IQSEC1: variants seen among roughly 807,000 people sequenced by gnomAD.
The protein encoded by IQSEC1 is IQ motif and SEC7 domain-containing protein 1.
IQSEC1 carries 31 observed loss-of-function variants against 91.0 expected under a neutral mutation model. The observed-to-expected ratio is 0.34, with a 90% CI of 0.26 to 0.46. The LOEUF is 0.46. Among genes scored for constraint, IQSEC1 ranks in the 20% least tolerant of loss-of-function variants. The pLI, the probability that IQSEC1 is intolerant of heterozygous loss-of-function variation, is 1.00. For synonymous variants in IQSEC1, 699 were observed against 662.6 expected, an observed-to-expected ratio of 1.05 and a Z score of -0.84; for missense variants, 1,388 against 1,575.6, an observed-to-expected ratio of 0.88 and a Z score of 2.02.
chr3:13,096,621 C>T (rs1049450493), intron 2 of IQSEC1, among the ~76,000 whole-genome samples: 11 of 152,152 alleles, frequency 7.2e-5, no homozygotes, highest in African/African-American at 2.2e-4. Context: ...AAACACACCC[C>T]AGAGAGGAAG....
intron 1 of IQSEC1, chr3:13,022,630 C>T (rs975595166): frequency 2.8e-5 from 5 of 179,228 alleles, no homozygotes; most frequent in Non-Finnish European, 4.3e-5. Context: ...CCCACATCCT[C>T]CCCATTTCCC....
intron 1 of IQSEC1, among the ~76,000 whole-genome samples, chr3:13,020,760 C>T (rs1051765783): frequency 3.9e-5 from 6 of 152,200 alleles, no homozygotes; most frequent in Non-Finnish European, 7.3e-5. Context: ...TACCCTTGAA[C>T]TGGGCTCAAG....
chr3:13,072,074 A>C (rs922547518), intron 1 of IQSEC1, among the ~76,000 whole-genome samples: 2 of 152,242 alleles, frequency 1.3e-5, no homozygotes, highest in African/African-American at 4.8e-5. Context: ...ATACTGCTCC[A>C]GGCCTCCTTT....
At chr3:13,060,294 G>A (rs1705020821) in intron 1 of IQSEC1, among the ~76,000 whole-genome samples, 1 of 152,224 alleles carries the variant, frequency 6.6e-6, no homozygotes. Context: ...CAAAGAGGAG[G>A]CAGATGTGGC....
At chr3:13,071,256 T>C (rs957645811) in intron 1 of IQSEC1, among the ~76,000 whole-genome samples, 3 of 151,020 alleles carry the variant, frequency 2.0e-5, no homozygotes, top group African/African-American at 4.9e-5. Flanking sequence ...AGGGTTCCAG[T>C]AGAACTGTGC....
intron 2 of IQSEC1, among the ~76,000 whole-genome samples, chr3:13,140,133 G>A (rs141731045): frequency 1.4e-3 from 215 of 152,090 alleles, no homozygotes; most frequent in African/African-American, 4.7e-3. Context: ...CTTCCAACCC[G>A]CTCAGACACT....
chr3:13,018,703 T>C (rs1457632908), intron 1 of IQSEC1, among the ~76,000 whole-genome samples: 3 of 152,126 alleles, frequency 2.0e-5, no homozygotes, highest in African/African-American at 7.2e-5. Flanking sequence ...CCAGAACTAC[T>C]GTATCCCCAC....
At chr3:13,021,745 C>G (rs1316659994) in intron 1 of IQSEC1, among the ~76,000 whole-genome samples, 1 of 152,258 alleles carries the variant, frequency 6.6e-6, no homozygotes, top group Non-Finnish European at 1.5e-5. Context: ...CAGGGTCACA[C>G]AGCTGTGCCC....
chr3:13,194,134 C>T (rs1404202506), intron 1 of IQSEC1, among the ~76,000 whole-genome samples: 3 of 152,188 alleles, frequency 2.0e-5, no homozygotes, highest in Non-Finnish European at 4.4e-5. Context: ...CTCATTTCCC[C>T]TTAATCACCT....
intron 2 of IQSEC1, among the ~76,000 whole-genome samples, chr3:12,939,118 C>T (rs916286133): frequency 4.6e-5 from 7 of 152,220 alleles, no homozygotes; most frequent in African/African-American, 1.2e-4. Context: ...TCTGCTCTCC[C>T]GAGGGGTTTC....
intron 2 of IQSEC1, among the ~76,000 whole-genome samples, chr3:13,151,520 A>G (rs1404813365): frequency 6.6e-5 from 10 of 152,324 alleles, no homozygotes; most frequent in African/African-American, 2.4e-5. Flanking sequence ...AACAGTAGCA[A>G]AGTTCAGAAT....
At chr3:13,154,557 G>A (rs1707057699) in intron 2 of IQSEC1, among the ~76,000 whole-genome samples, 1 of 145,810 alleles carries the variant, frequency 6.9e-6, no homozygotes, top group South Asian at 2.2e-4. Context: ...TCAATACCCT[G>A]TTCTCCATAA....
At chr3:13,206,326 C>T (rs546120514) in intron 1 of IQSEC1, among the ~76,000 whole-genome samples, 37 of 152,226 alleles carry the variant, frequency 2.4e-4, no homozygotes, top group Non-Finnish European at 2.9e-4. Flanking sequence ...GGGTGGGGGG[C>T]GCTGTACAGA....
At position 13,184,680 on chromosome 3, in the gene IQSEC1, A is replaced by G. The variant is rs191426189; in HGVS notation, c.273-20547T>C. ...ACTGTCTCCATGCACAAGCGACAGG[A>G]TTCTCTCAGTAAACATCCCTAAGGA... On this transcript the variant is annotated intron_variant, in intron 1 of 15. Coordinates refer to the IQSEC1 transcript ENST00000648114. Among the ~76,000 whole-genome samples the G allele has an allele frequency of 3.2e-4, 48 of 152,350 alleles. 1 individual carries two copies. The East Asian group carries it at 9.1e-3, about 29-fold the overall frequency.
chr3:13,025,872 C>G (rs144681837), intron 1 of IQSEC1, among the ~76,000 whole-genome samples: 5 of 152,342 alleles, frequency 3.3e-5, no homozygotes, highest in South Asian at 2.1e-4. Context: ...GCCATCTTCT[C>G]TCTGCATTGA....
At position 12,899,614 on chromosome 3, in the gene IQSEC1, G is replaced by A. The variant is rs1013681228; in HGVS notation, c.*1369C>T. On this transcript the variant is annotated 3_prime_UTR_variant, in exon 14 of 14. Transcript: ENST00000613206. ...GCGGGGGCTCCGCCGGGCACTCGTC[G>A]GCTGGGGTCACACGGGCCACGGTGA... 4.2e-5 allele frequency: 41 copies of A among 985,416 alleles called. No individual in the cohort carries two copies. In the Middle Eastern group the frequency reaches 1.6e-3, roughly 38 times the overall value. The allele number at this position is 985,416 out of a possible 1,614,324, so 61.0% of individuals were successfully genotyped here.
rs755549936 is a variant in IQSEC1 at position 12,941,656 on chromosome 3, C to T, written c.233G>A (p.Arg78His). 14 of 1,612,924 alleles carry T rather than the reference C, an allele frequency of 8.7e-6. No individual in the cohort carries two copies. Among genetic ancestry groups the T allele is most frequent in the Non-Finnish European group, 1.0e-5 (12 of 1,179,850 alleles). ...GATGGCCTCCTCCTCAGCCTGCTTG[C>T]GCAGGATGGAGGTCGAGTGCTGCAG... Reference protein sequence around the residue: ...PKLQHSTSILRKQAEEEAIKR... With the variant: ...PKLQHSTSILHKQAEEEAIKR... Residue 78 changes from arginine to histidine, a missense_variant, in exon 2 of 14, where the codon CGC becomes CAC. Transcript: ENST00000613206.
At chr3:13,267,864 G>A (rs900677746) in intron 1 of IQSEC1, among the ~76,000 whole-genome samples, 22 of 151,948 alleles carry the variant, frequency 1.4e-4, no homozygotes, top group African/African-American at 4.4e-4. Context: ...TGATCCACCC[G>A]CCTCGGCCTC....
At chr3:12,957,005 C>T (rs556154685) in intron 1 of IQSEC1, among the ~76,000 whole-genome samples, 1 of 152,360 alleles carries the variant, frequency 6.6e-6, no homozygotes, top group East Asian at 1.9e-4. Context: ...GCTCAACGCC[C>T]TTAACTCCTC....
Sources: gnomAD v4.1 joint callset for allele counts (sites outside exome capture counted in the v4.1 genomes callset) on GRCh38, gnomAD v4.1.1 for gene constraint, MANE v1.5 for transcripts, NCBI Gene and HGNC (gene_info 2026-07-23, HGNC 2026-07-21) for gene names.